DMD: variants seen among roughly 807,000 people sequenced by gnomAD.
DMD encodes mutant dystrophin.
In DMD, 63 loss-of-function variants were observed where a neutral mutation model predicts 330.1. The ratio of observed to expected loss-of-function variants is 0.19; its 90% confidence interval spans 0.16 to 0.24. The LOEUF (loss-of-function observed/expected upper bound fraction) is 0.24, where lower values mean the gene tolerates loss of function less well. DMD is among the 10% of genes least tolerant of loss of function. DMD has a pLI of 1.00. For synonymous variants in DMD, 1,223 were observed against 959.8 expected (o/e 1.27, Z -5.07); for missense variants, 3,344 against 2,684.1 (o/e 1.25, Z -5.43).
At chrX:31,422,264 C>T (rs2063487606) in intron 60 of DMD, among the ~76,000 whole-genome samples, 1 of 109,533 alleles carries the variant, frequency 9.1e-6, no homozygotes, top group South Asian at 3.9e-4. Context: ...CCTGCCTTGG[C>T]CTCTCAAAGT....
intron 29 of DMD, among the ~76,000 whole-genome samples, chrX:32,436,121 C>T (rs2098260254): frequency 8.9e-6 from 1 of 112,214 alleles, no homozygotes; most frequent in African/African-American, 3.2e-5. Context: ...TCTCTGTCAT[C>T]CCATGGGAGG....
intron 47 of DMD, among the ~76,000 whole-genome samples, chrX:31,905,724 C>T (rs139515504): frequency 0.039 from 4,334 of 110,755 alleles, 80 homozygotes; most frequent in Non-Finnish European, 0.062. Flanking sequence ...AAAATTATAG[C>T]ATGAAAATAG....
rs766479160 is a variant in DMD, at chrX:33,004,342, G to A, written c.93+15797C>T. Among the ~76,000 whole-genome samples the A allele has an allele frequency of 5.4e-5, 6 of 111,392 alleles. No homozygotes were observed. The South Asian group carries it at 1.9e-3, about 34-fold the overall frequency. Reference sequence around the variant, plus strand: ...CTCACCCACTATGTTCCTTGGCCAGGATGAAGTATCATATATTCTTCTAAT... The same window carrying A: ...CTCACCCACTATGTTCCTTGGCCAGAATGAAGTATCATATATTCTTCTAAT... On this transcript the variant is annotated intron_variant, in intron 2 of 78. Coordinates refer to ENST00000357033, the MANE Select transcript of DMD (RefSeq NM_004006.3).
intron 44 of DMD, among the ~76,000 whole-genome samples, chrX:32,052,038 C>T (rs779032059): frequency 6.3e-5 from 7 of 111,896 alleles, no homozygotes; most frequent in South Asian, 3.6e-4. Context: ...CAGGAATTTT[C>T]GTATTGGGTA....
intron 1 of DMD, among the ~76,000 whole-genome samples, chrX:33,313,955 A>G (rs1243804059): frequency 9.0e-6 from 1 of 110,720 alleles, no homozygotes; most frequent in East Asian, 2.9e-4. Flanking sequence ...CTGTCATTAA[A>G]GGAAGCTAGA....
intron 59 of DMD, among the ~76,000 whole-genome samples, chrX:31,449,485 G>A (rs1469201519): frequency 9.1e-6 from 1 of 110,360 alleles, no homozygotes; most frequent in African/African-American, 3.3e-5. Context: ...TCAGATGACT[G>A]TGGCTCACAC....
At chrX:31,187,558 C>T (rs1343631286) in intron 67 of DMD, among the ~76,000 whole-genome samples, 2 of 111,510 alleles carry the variant, frequency 1.8e-5, no homozygotes, top group Non-Finnish European at 3.8e-5. Context: ...GCAGATCAAT[C>T]GTCCAGCAAA....
At position 31,444,573 on chromosome X, in the gene DMD, G is replaced by C. The variant is rs1305464439; in HGVS notation, c.8992C>G (p.Leu2998Val). The C allele has an allele frequency of 8.3e-7, 1 of 1,209,871 alleles. No homozygotes were observed. The highest frequency in any genetic ancestry group is 1.1e-6 in the Non-Finnish European group (1 of 895,144). Residue 2998 changes from leucine (L) to valine (V), a missense_variant, in exon 60 of 79, where the codon CTT becomes GTT. Coordinates refer to ENST00000357033, the MANE Select transcript of DMD (RefSeq NM_004006.3). ...CCCAAAGTGGTAAGCTGGCGAGCAA[G>C]GTCATTGACGTGGCTCACGTTCTCT... Reference protein sequence around the residue: ...LKENVSHVNDLARQLTTLGIQ... With the variant: ...LKENVSHVNDVARQLTTLGIQ...
chrX:31,282,148 T>C (rs2052663892), intron 62 of DMD, among the ~76,000 whole-genome samples: 1 of 112,117 alleles, frequency 8.9e-6, no homozygotes, highest in Admixed American at 9.5e-5. Context: ...TTTTCTAATA[T>C]TGTACCCTAA....
chrX:31,941,724 C>A (rs903689241), intron 45 of DMD, among the ~76,000 whole-genome samples: 1 of 111,113 alleles, frequency 9.0e-6, no homozygotes, highest in Non-Finnish European at 1.9e-5. Flanking sequence ...TTCTAGTAGT[C>A]CCCAATGTCT....
At chrX:32,278,153 C>T (rs1353652928) in intron 43 of DMD, among the ~76,000 whole-genome samples, 1 of 111,067 alleles carries the variant, frequency 9.0e-6, no homozygotes, top group African/African-American at 3.3e-5. Flanking sequence ...CAGATAAATT[C>T]AAAGGCTCAT....
chrX:32,536,264 C>CAAAAAAAAAAAAAAAA (rs1191335690), intron 17 of DMD, among the ~76,000 whole-genome samples: 6 of 36,355 alleles, frequency 1.7e-4, no homozygotes, highest in African/African-American at 7.2e-4. Flanking sequence ...ACTCCGTCTC[C>CAAAAAAAAAAAAAAAA]AAAAAAAAAA....
intron 2 of DMD, among the ~76,000 whole-genome samples, chrX:32,892,318 C>T (rs1442038464): frequency 2.7e-5 from 3 of 112,346 alleles, no homozygotes; most frequent in African/African-American, 9.7e-5. Context: ...TAGCATCACC[C>T]GAGGAGCTTT....
intron 1 of DMD, among the ~76,000 whole-genome samples, chrX:33,292,453 A>G (rs1296784841): frequency 1.8e-5 from 2 of 111,469 alleles, no homozygotes; most frequent in Non-Finnish European, 1.9e-5. Flanking sequence ...AGATCTTCAA[A>G]GTAGTACATT....
At chrX:31,366,536 A>G (rs1272503212) in intron 60 of DMD, among the ~76,000 whole-genome samples, 1 of 107,019 alleles carries the variant, frequency 9.3e-6, no homozygotes, top group Non-Finnish European at 1.9e-5. Context: ...GATAAAAGAA[A>G]AAAAAGAAAA....
chrX:32,031,836 T>C (rs189354992), intron 44 of DMD, among the ~76,000 whole-genome samples: 79 of 111,982 alleles, frequency 7.1e-4, no homozygotes, highest in East Asian at 5.6e-4. Context: ...AATTCAAATG[T>C]TTGTCTTGCT....
intron 2 of DMD, among the ~76,000 whole-genome samples, chrX:32,886,369 A>C (rs1467794621): frequency 9.0e-6 from 1 of 110,977 alleles, no homozygotes; most frequent in East Asian, 2.8e-4. Flanking sequence ...TTTGCGATAC[A>C]TATAAAGACC....
chrX:31,307,584 A>C (rs1207371057), intron 62 of DMD, among the ~76,000 whole-genome samples: 2 of 105,791 alleles, frequency 1.9e-5, no homozygotes, highest in Admixed American at 2.0e-4. Context: ...TCATGAGATG[A>C]TGTTTCTCCC....
At chrX:32,647,904 A>C (rs892812393) in intron 9 of DMD, among the ~76,000 whole-genome samples, 1 of 112,062 alleles carries the variant, frequency 8.9e-6, no homozygotes, top group South Asian at 3.7e-4. Flanking sequence ...GTGTAAGAGC[A>C]AACATTATTT....
Sources: gnomAD v4.1 joint callset for allele counts (sites outside exome capture counted in the v4.1 genomes callset) on GRCh38, gnomAD v4.1.1 for gene constraint, MANE v1.5 for transcripts, NCBI Gene and HGNC (gene_info 2026-07-23, HGNC 2026-07-21) for gene names.